The following TCF4 variants were observed in gnomAD, a reference collection of about 807,000 sequenced individuals.
The protein encoded by TCF4 is SL3-3 enhancer factor 2.
A neutral mutation model predicts 82.1 loss-of-function variants in TCF4; 3 were observed. That is an observed-to-expected ratio of 0.04 (90% CI 0.02 to 0.09). The LOEUF (loss-of-function observed/expected upper bound fraction) is 0.09. Ranked by LOEUF, TCF4 falls within the 10% of genes least tolerant of loss-of-function variation. The probability of loss-of-function intolerance (pLI) is 1.00; values close to 1 mark genes in which losing one functional copy is unlikely to be tolerated. For synonymous variants in TCF4, 276 were observed against 309.6 expected (o/e 0.89, Z 1.14); for missense variants, 518 against 852.7 (o/e 0.61, Z 4.89).
chr18:55,537,450 C>T (rs2097126874), intron 3 of TCF4, among the ~76,000 whole-genome samples: 1 of 151,934 alleles, frequency 6.6e-6, no homozygotes, highest in African/African-American at 2.4e-5. Context: ...ACTACCAAGG[C>T]GTGGTGGCAC....
intron 14 of TCF4, among the ~76,000 whole-genome samples, chr18:55,255,439 G>A (rs906396940): frequency 2.6e-5 from 4 of 152,042 alleles, no homozygotes; most frequent in Admixed American, 6.6e-5. Flanking sequence ...CATAGAATTC[G>A]CAACTTTAAA....
chr18:55,565,909 T>C (rs1032990173), intron 3 of TCF4, among the ~76,000 whole-genome samples: 1 of 151,876 alleles, frequency 6.6e-6, no homozygotes, highest in Non-Finnish European at 1.5e-5. Flanking sequence ...AAAAAATGTA[T>C]AGACATGGAT....
chr18:55,579,834 G>T (rs1387373881), intron 3 of TCF4, among the ~76,000 whole-genome samples: 5 of 151,960 alleles, frequency 3.3e-5, no homozygotes, highest in African/African-American at 1.2e-4. Context: ...AAATTACTTT[G>T]TTTATCATAG....
chr18:55,541,265 C>A (rs1030248874), intron 3 of TCF4, among the ~76,000 whole-genome samples: 8 of 151,994 alleles, frequency 5.3e-5, no homozygotes, highest in African/African-American at 1.9e-4. Flanking sequence ...TGTAGGATTC[C>A]CTTTTTACAC....
chr18:55,398,815 T>G (rs1307866473), intron 6 of TCF4, among the ~76,000 whole-genome samples: 1 of 152,198 alleles, frequency 6.6e-6, no homozygotes, highest in Non-Finnish European at 1.5e-5. Context: ...ACATGGTCCC[T>G]GCCCTCCAGG....
intron 6 of TCF4, among the ~76,000 whole-genome samples, chr18:55,356,791 A>G (rs368495937): frequency 1.7e-3 from 262 of 152,304 alleles, no homozygotes; most frequent in African/African-American, 5.5e-3. Flanking sequence ...CCATGACATC[A>G]CAAAAAAATA....
At position 55,327,519 on chromosome 18, in the gene TCF4, TC is replaced by T. The variant is rs551079728; in HGVS notation, c.549+22839del. ...TTTATTTGTGTCTTTTTTAGTGACT[TC>T]CTATGTTATCTTGAATTGGTTATTT... is the stretch of plus-strand genomic sequence containing the variant. On this transcript the variant is annotated intron_variant, in intron 8 of 19. Transcript: ENST00000354452. Among the ~76,000 whole-genome samples the T allele has an allele frequency of 5.0e-4, 76 of 152,290 alleles. No individual in the cohort carries two copies. The East Asian group carries it at 0.014, about 27-fold the overall frequency.
chr18:55,352,440 C>T (rs2082507777), intron 6 of TCF4, among the ~76,000 whole-genome samples: 1 of 152,118 alleles, frequency 6.6e-6, no homozygotes, highest in Non-Finnish European at 1.5e-5. Context: ...CTGACAAGCT[C>T]GCCTTTACTG....
At chr18:55,245,116 C>T (rs190113395) in intron 15 of TCF4, among the ~76,000 whole-genome samples, 242 of 152,306 alleles carry the variant, frequency 1.6e-3, no homozygotes, top group Admixed American at 0.013. Context: ...GTAGAACCCT[C>T]GCATTACAGA....
chr18:55,276,429 A>G (rs1434100510), intron 9 of TCF4, among the ~76,000 whole-genome samples: 2 of 152,164 alleles, frequency 1.3e-5, no homozygotes, highest in African/African-American at 4.8e-5. Context: ...TATTTTTGAG[A>G]GTCTCTGGAT....
intron 3 of TCF4, 149 bp from the exon 4 acceptor site, chr18:55,464,286 C>A: frequency 1.4e-6 from 1 of 726,278 alleles, no homozygotes. Context: ...TGGCTTCTGA[C>A]CCATCTACTT....
intron 3 of TCF4, among the ~76,000 whole-genome samples, chr18:55,505,917 G>C (rs183752994): frequency 1.3e-5 from 2 of 152,092 alleles, no homozygotes; most frequent in East Asian, 3.9e-4. Flanking sequence ...CAACAGTATA[G>C]GAGTGGGTTT....
intron 2 of TCF4, among the ~76,000 whole-genome samples, chr18:55,617,787 C>T (rs1311262848): frequency 6.8e-6 from 1 of 148,090 alleles, no homozygotes; most frequent in Non-Finnish European, 1.5e-5. Context: ...TATCCTGAAA[C>T]TTTAGTGAAT....
rs374301928 is a variant in TCF4, at chr18:55,261,646, CATT to C, written c.923-116_923-114del. ...TGCATTTTTAATGCTAATTACAACA[CATT>C]AATCTTTAATTAGCATTAATTTGTT... On this transcript the variant is annotated intron_variant, in intron 11 of 19. Coordinates refer to ENST00000354452, the MANE Select transcript of TCF4 (RefSeq NM_001083962.2). 9.9e-5 allele frequency: 113 copies of C among 1,138,266 alleles called. No homozygotes were observed. In the African/African-American group the frequency reaches 1.4e-3, roughly 14 times the overall value. 70.5% of individuals were successfully genotyped at this position (1,138,266 alleles called of 1,614,324 possible). A position where few individuals can be genotyped will look rare whatever the true frequency, so the allele number is the denominator to read the frequency against.
intron 8 of TCF4, among the ~76,000 whole-genome samples, chr18:55,281,712 C>CT (rs374898660): frequency 2.9e-4 from 42 of 144,852 alleles, no homozygotes; most frequent in East Asian, 6.0e-4. Context: ...TATCCTTTTT[C>CT]TTTTTTTTTT....
intron 3 of TCF4, among the ~76,000 whole-genome samples, chr18:55,523,472 A>G (rs1326698195): frequency 6.6e-6 from 1 of 152,006 alleles, no homozygotes; most frequent in African/African-American, 2.4e-5. Context: ...ATATAACAAT[A>G]AGTATGAATT....
At chr18:55,553,399 C>T (rs921811692) in intron 3 of TCF4, 2 of 152,130 alleles carry the variant, frequency 1.3e-5, no homozygotes, top group African/African-American at 4.8e-5. Context: ...AAGAGCATTG[C>T]TTTAAAATTG....
intron 3 of TCF4, among the ~76,000 whole-genome samples, chr18:55,470,065 G>T (rs759905710): frequency 5.3e-5 from 8 of 152,154 alleles, no homozygotes; most frequent in Non-Finnish European, 1.0e-4. Flanking sequence ...AAGGAGAACA[G>T]AAGTGAAAAC....
chr18:55,503,965 T>C (rs1211628457), intron 3 of TCF4, among the ~76,000 whole-genome samples: 1 of 152,106 alleles, frequency 6.6e-6, no homozygotes, highest in East Asian at 1.9e-4. Context: ...GTCCCGCTAC[T>C]GAGGAGGCTG....
Sources: allele counts gnomAD v4.1 joint callset (sites outside exome capture counted in the v4.1 genomes callset), GRCh38; gene constraint gnomAD v4.1.1; transcripts MANE v1.5; gene names NCBI Gene and HGNC (gene_info 2026-07-23, HGNC 2026-07-21).